The following EGLN1 variants were observed in gnomAD, a reference collection of about 807,000 sequenced individuals.
EGLN1 encodes egl nine homolog 1.
In EGLN1, 17 loss-of-function variants were observed where a neutral mutation model predicts 38.3. The observed-to-expected ratio is 0.44, with a 90% confidence interval of 0.30 to 0.67. EGLN1 has a LOEUF of 0.67. Ranked by LOEUF, EGLN1 falls within the 30% of genes least tolerant of loss-of-function variation. EGLN1 has a pLI of 0.08. For missense variants in EGLN1, 477 were observed against 603.3 expected (o/e 0.79, Z 2.19); for synonymous variants, 283 against 257.5 (o/e 1.10, Z -0.95).
intron 1 of EGLN1, among the ~76,000 whole-genome samples, chr1:231,406,813 C>A (rs1688808515): frequency 6.6e-6 from 1 of 152,000 alleles, no homozygotes; most frequent in Non-Finnish European, 1.5e-5. Context: ...AGGGGTCCAG[C>A]AGCAAAACAA....
In EGLN1 at chr1:231,365,443, G is replaced by C. The variant is rs930493270; in HGVS notation, c.*968C>G. ...TTTAAAAAATTTAACTTAAACCCCAGCCTAGGCAACATGGCAAAACCCCGT... is the reference window on the plus strand; with the variant it reads ...TTTAAAAAATTTAACTTAAACCCCACCCTAGGCAACATGGCAAAACCCCGT... On this transcript the variant is annotated 3_prime_UTR_variant, in exon 5 of 5. Transcript: ENST00000366641. 1 of 152,034 alleles carries C rather than the reference G, an allele frequency of 6.6e-6. No homozygotes were observed. The highest frequency in any genetic ancestry group is 2.4e-5 in the African/African-American group (1 of 41,398). 9.4% of individuals were successfully genotyped at this position (152,034 alleles called of 1,614,324 possible).
chr1:231,378,150 G>T (rs1371024584), intron 1 of EGLN1, among the ~76,000 whole-genome samples: 1 of 152,112 alleles, frequency 6.6e-6, no homozygotes, highest in African/African-American at 2.4e-5. Context: ...GCTCCACAGG[G>T]CCTGCATGGA....
In EGLN1 at chr1:231,421,978, G is replaced by A. The variant is rs1227163966; in HGVS notation, c.-90C>T. On this transcript the variant is annotated 5_prime_UTR_variant, in exon 1 of 5. Transcript: ENST00000366641. This position sits in a 1 kb window ranked among gnomAD's most constrained non-coding sequence, Gnocchi z 5.5. ...CTCGCCCGAGGCTGGGGAGCGGGGA[G>A]AGAGATAGGGGCCGTTACTGCGCCA... 9.4e-6 allele frequency: 12 copies of A among 1,282,546 alleles called. No individual in the cohort carries two copies. The African/African-American group carries it at 1.3e-4, about 13-fold the overall frequency. 79.4% of individuals were successfully genotyped at this position (1,282,546 alleles called of 1,614,324 possible).
intron 1 of EGLN1, among the ~76,000 whole-genome samples, chr1:231,419,269 A>T (rs1009389715): frequency 6.6e-6 from 1 of 152,208 alleles, no homozygotes; most frequent in Non-Finnish European, 1.5e-5. Context: ...TAGCATCTCT[A>T]TGAGAAGCAT....
Position 231,421,524 on chromosome 1 carries a change from G to A in EGLN1, c.365C>T (p.Ala122Val), listed in dbSNP as rs1271774308. Residue 122 changes from alanine to valine, a missense_variant, in exon 1 of 5, where the codon GCG becomes GTG. By Grantham distance (64) the Ala-to-Val change is moderately conservative (BLOSUM62 0). Around this residue, in one of 4 missense-constraint regions of EGLN1, gnomAD observed 298 missense variants for 288.9 expected, o/e 1.03. Transcript: ENST00000366641. The surrounding 1 kb of genome is among the most constrained non-coding windows in gnomAD (Gnocchi z 5.5). ...GGCCGCACGACACGGCGACGCGGCCGCCGCTGGGTCGGCCGGGGGCTTGGC... is the reference window on the plus strand; with the variant it reads ...GGCCGCACGACACGGCGACGCGGCCACCGCTGGGTCGGCCGGGGGCTTGGC... ...VKAKPPADPAAAASPCRAAAG... is the reference protein window; with the variant it reads ...VKAKPPADPAVAASPCRAAAG... The A allele has an allele frequency of 7.7e-7, 1 of 1,295,098 alleles. No homozygotes were observed. The allele number at this position is 1,295,098 out of a possible 1,614,324, so 80.2% of individuals were successfully genotyped here. A position where few individuals can be genotyped will look rare whatever the true frequency, so the allele number is the denominator to read the frequency against.
chr1:231,367,552 C>A lies in EGLN1; in HGVS notation c.1216+17G>T. On this transcript the variant is annotated intron_variant, in intron 4 of 4. Coordinates refer to ENST00000366641, the MANE Select transcript of EGLN1 (RefSeq NM_022051.3). ...GTATTTCTGTACCAATATATCCTGG[C>A]CCCAAATGACGTTTACCTGTTAGAT... 6.2e-7 allele frequency: 1 copy of A among 1,613,462 alleles called. No individual in the cohort carries two copies.
intron 1 of EGLN1, among the ~76,000 whole-genome samples, chr1:231,415,674 A>G (rs140179611): frequency 1.4e-3 from 209 of 152,298 alleles, no homozygotes; most frequent in African/African-American, 4.7e-3. Context: ...ATGAAACATT[A>G]TATGTTCACC....
At chr1:231,398,549 A>G (rs1405060595) in intron 1 of EGLN1, among the ~76,000 whole-genome samples, 1 of 152,240 alleles carries the variant, frequency 6.6e-6, no homozygotes, top group African/African-American at 2.4e-5. Flanking sequence ...TTCCTGTTAC[A>G]ACAGCAGAGT....
At chr1:231,409,115 A>G (rs1015307877) in intron 1 of EGLN1, among the ~76,000 whole-genome samples, 10 of 152,138 alleles carry the variant, frequency 6.6e-5, no homozygotes, top group African/African-American at 2.2e-4. Context: ...TTAGTTTTAA[A>G]TAAGCAAAAT....
At chr1:231,411,330 G>A (rs991418029) in intron 1 of EGLN1, among the ~76,000 whole-genome samples, 1 of 152,134 alleles carries the variant, frequency 6.6e-6, no homozygotes, top group African/African-American at 2.4e-5. Flanking sequence ...TAAGTTTCCT[G>A]AGGCCTCCCC....
At chr1:231,418,469 G>C (rs907810786) in intron 1 of EGLN1, among the ~76,000 whole-genome samples, 1 of 152,192 alleles carries the variant, frequency 6.6e-6, no homozygotes, top group Admixed American at 6.5e-5. Flanking sequence ...ACTTAAGTTT[G>C]AACACCAGCC....
intron 1 of EGLN1, among the ~76,000 whole-genome samples, chr1:231,404,277 A>C (rs545141675): frequency 1.3e-5 from 2 of 152,178 alleles, no homozygotes; most frequent in Non-Finnish European, 2.9e-5. Context: ...GTAATTCTAC[A>C]TATTTTATAA....
At chr1:231,366,947 T>G (rs1262383592) in intron 4 of EGLN1, among the ~76,000 whole-genome samples, 2 of 152,104 alleles carry the variant, frequency 1.3e-5, no homozygotes, top group African/African-American at 4.8e-5. Context: ...GAAAAGAAGG[T>G]AAGTGGTCCA....
At chr1:231,370,827 A>AC (rs1687802937) in intron 2 of EGLN1, 129 bp from the exon 3 acceptor site, 1 of 1,054,236 alleles carries the variant, frequency 9.5e-7, no homozygotes, top group Admixed American at 2.0e-5. Flanking sequence ...ATAAAGTATG[A>AC]AGATGAGCTG....
intron 1 of EGLN1, among the ~76,000 whole-genome samples, chr1:231,393,763 C>T (rs1558388387): frequency 1.3e-5 from 2 of 152,158 alleles, no homozygotes; most frequent in South Asian, 4.1e-4. Flanking sequence ...TCATCACACC[C>T]TCTGCCTTTC....
rs1687654517 is a variant in EGLN1 at position 231,366,604 on chromosome 1, T to C, written c.1217-129A>G. On this transcript the variant is annotated intron_variant, in intron 4 of 4. Transcript: ENST00000366641. ...CTTTGCAAACATCATCTGAGAACTA[T>C]CACGCTTGTACTTCCAAAAACTTCC... The C allele has an allele frequency of 4.3e-6, 4 of 940,220 alleles. 1 individual carries two copies. Among genetic ancestry groups the C allele is most frequent in the Middle Eastern group, 2.2e-4 (1 of 4,462 alleles). The allele number at this position is 940,220 out of a possible 1,614,324, so 58.2% of individuals were successfully genotyped here.
chr1:231,384,646 G>C (rs996369623), intron 1 of EGLN1, among the ~76,000 whole-genome samples: 20 of 152,296 alleles, frequency 1.3e-4, no homozygotes, highest in Admixed American at 1.1e-3. Context: ...AGTCAGACAG[G>C]TAAGGGGTTG....
chr1:231,393,706 A>G (rs1015596960), intron 1 of EGLN1, among the ~76,000 whole-genome samples: 7 of 152,088 alleles, frequency 4.6e-5, no homozygotes, highest in African/African-American at 1.7e-4. Context: ...TCTCCTATCC[A>G]ACCTCAAATT....
rs1325464409 is a variant in EGLN1, at chr1:231,391,088, TTTTTTGTGTGTG to T, written c.892-17001_892-16990del. Among the ~76,000 whole-genome samples, 14 of 34,736 alleles carry T rather than the reference TTTTTTGTGTGTG, an allele frequency of 4.0e-4. No homozygotes were observed. The East Asian group carries it at 0.015, about 37-fold the overall frequency. 22.8% of individuals were successfully genotyped at this position (34,736 alleles called of 152,430 possible). A position where few individuals can be genotyped will look rare whatever the true frequency, so the allele number is the denominator to read the frequency against. ...TGAGACAGGGAACTCATTCTGTTTT[TTTTTTGTGTGTG>T]TGTGTGTGTGTGTGTGTGTGTGTGT... On this transcript the variant is annotated intron_variant, in intron 1 of 4. Coordinates refer to ENST00000366641, the MANE Select transcript of EGLN1 (RefSeq NM_022051.3).
Sources: gnomAD v4.1 joint callset for allele counts (sites outside exome capture counted in the v4.1 genomes callset) on GRCh38, gnomAD v4.1.1 for gene constraint, gnomAD v4.1.1 regional missense constraint, Gnocchi (gnomAD v3.1) non-coding constraint, MANE v1.5 for transcripts, NCBI Gene and HGNC (gene_info 2026-07-23, HGNC 2026-07-21) for gene names.